PXDNL: variants seen among roughly 807,000 people sequenced by gnomAD.
PXDNL encodes probable oxidoreductase PXDNL.
Under a neutral mutation model 150.8 loss-of-function variants are expected in PXDNL, and 145 were observed. That is an observed-to-expected ratio of 0.96 (90% confidence interval 0.84 to 1.10). The LOEUF (loss-of-function observed/expected upper bound fraction) is 1.10. Ranked by LOEUF, PXDNL falls within the 50% of genes least tolerant of loss-of-function variation. The probability of loss-of-function intolerance (pLI) is 0.00; values close to 1 mark genes in which losing one functional copy is unlikely to be tolerated. For missense variants in PXDNL, 2,087 were observed against 1,873.9 expected, an observed-to-expected ratio of 1.11 and a Z score of -2.10; for synonymous variants, 757 against 725.7, an observed-to-expected ratio of 1.04 and a Z score of -0.69.
chr8:51,330,929 C>T (rs1805662722), intron 21 of PXDNL, among the ~76,000 whole-genome samples: 2 of 152,154 alleles, frequency 1.3e-5, no homozygotes, highest in Non-Finnish European at 2.9e-5. Flanking sequence ...AAGTTATTTG[C>T]TTTCAGAATA....
intron 2 of PXDNL, among the ~76,000 whole-genome samples, chr8:51,616,214 C>T (rs1814127096): frequency 6.6e-6 from 1 of 152,154 alleles, no homozygotes; most frequent in South Asian, 2.1e-4. Flanking sequence ...TTGAAAAACG[C>T]AGGAAATCTT....
At position 51,411,328 on chromosome 8, in the gene PXDNL, C is replaced by T. The variant is rs760228811; in HGVS notation, c.1984G>A (p.Gly662Arg). The T allele has an allele frequency of 1.0e-5, 16 of 1,590,104 alleles. No individual in the cohort carries two copies. The highest frequency in any genetic ancestry group is 1.2e-5 in the South Asian group (1 of 86,732). ...DPLIVEMARA[G>R]EIFEHTLQLI... Reference sequence around the variant, plus strand: ...TGCAGCGTGTGCTCAAAAATCTCCCCTGCTCTTGCCATTTCCACAATCAGT... The same window carrying T: ...TGCAGCGTGTGCTCAAAAATCTCCCTTGCTCTTGCCATTTCCACAATCAGT... Residue 662 changes from glycine (G) to arginine (R), a missense_variant, in exon 16 of 23, where the codon GGG becomes AGG. Coordinates refer to ENST00000356297, the MANE Select transcript of PXDNL (RefSeq NM_144651.5).
intron 3 of PXDNL, among the ~76,000 whole-genome samples, chr8:51,559,015 T>C (rs1302878408): frequency 6.6e-6 from 1 of 151,436 alleles, no homozygotes; most frequent in Non-Finnish European, 1.5e-5. Context: ...AAAATTGGGG[T>C]TGTTGATTGG....
At chr8:51,423,804 G>A in intron 13 of PXDNL, 73 bp from the exon 14 acceptor site, 1 of 1,413,372 alleles carries the variant, frequency 7.1e-7, no homozygotes, top group Non-Finnish European at 9.6e-7. Flanking sequence ...TTTTTAAAAT[G>A]TGGGTTCATT....
chr8:51,679,186 G>A (rs1815691535), intron 1 of PXDNL, among the ~76,000 whole-genome samples: 1 of 152,128 alleles, frequency 6.6e-6, no homozygotes, highest in African/African-American at 2.4e-5. Context: ...TTTGTTTTAG[G>A]CTAGACAATG....
intron 4 of PXDNL, among the ~76,000 whole-genome samples, chr8:51,527,764 T>C (rs1406272435): frequency 6.6e-6 from 1 of 152,138 alleles, no homozygotes; most frequent in Non-Finnish European, 1.5e-5. Context: ...CATCATGAAA[T>C]TGTGCAGAGG....
At chr8:51,745,188 A>G (rs1417015100) in intron 1 of PXDNL, among the ~76,000 whole-genome samples, 1 of 152,178 alleles carries the variant, frequency 6.6e-6, no homozygotes, top group Non-Finnish European at 1.5e-5. Context: ...TGCCTATAAG[A>G]TAACTTAAAT....
intron 4 of PXDNL, among the ~76,000 whole-genome samples, chr8:51,516,025 G>C (rs1811527987): frequency 6.6e-6 from 1 of 152,108 alleles, no homozygotes; most frequent in Admixed American, 6.6e-5. Context: ...TGAGGTATAA[G>C]AAGACATATT....
At chr8:51,801,196 G>A (rs967238307) in intron 1 of PXDNL, among the ~76,000 whole-genome samples, 3 of 152,114 alleles carry the variant, frequency 2.0e-5, no homozygotes, top group Non-Finnish European at 4.4e-5. Context: ...TGTCCTATGT[G>A]GTTGAGATAA....
intron 2 of PXDNL, among the ~76,000 whole-genome samples, chr8:51,652,437 T>TCA (rs1302365029): frequency 2.6e-4 from 37 of 143,946 alleles, no homozygotes; most frequent in Admixed American, 4.1e-4. Context: ...TCTCTCTCTC[T>TCA]CTCACACACA....
intron 1 of PXDNL, among the ~76,000 whole-genome samples, chr8:51,778,719 C>G (rs1231109585): frequency 6.6e-6 from 1 of 152,236 alleles, no homozygotes; most frequent in Non-Finnish European, 1.5e-5. Flanking sequence ...TCGTTCTTCT[C>G]TGCTTTGGAG....
intron 3 of PXDNL, among the ~76,000 whole-genome samples, chr8:51,586,820 A>G (rs1241782364): frequency 6.6e-6 from 1 of 152,208 alleles, no homozygotes; most frequent in Non-Finnish European, 1.5e-5. Context: ...CAAAAGGACA[A>G]AGCTGCTCAG....
chr8:51,447,180 G>C lies in PXDNL; in HGVS notation c.1367-18C>G, dbSNP rs1287994609. 1 of 1,611,956 alleles carries C rather than the reference G, an allele frequency of 6.2e-7. No individual in the cohort carries two copies. The highest frequency in any genetic ancestry group is 8.5e-7 in the Non-Finnish European group (1 of 1,178,640). ...CTGCCCTCCTGCAAAAAGAGGTAAA[G>C]AAAGTATTCTTCATGGCCCAGAGCA... On this transcript the variant is annotated intron_variant, in intron 11 of 22. Coordinates refer to ENST00000356297, the MANE Select transcript of PXDNL (RefSeq NM_144651.5).
At chr8:51,700,190 CACA>C (rs748072546) in intron 1 of PXDNL, among the ~76,000 whole-genome samples, 19,864 of 151,004 alleles carry the variant, frequency 0.13, 2,521 homozygotes, top group African/African-American at 0.33. Context: ...CACACACACA[CACA>C]CACCATCACA....
At chr8:51,709,050 G>C (rs922468103) in intron 1 of PXDNL, among the ~76,000 whole-genome samples, 2 of 152,158 alleles carry the variant, frequency 1.3e-5, no homozygotes, top group Non-Finnish European at 2.9e-5. Flanking sequence ...AAGGAGCCCT[G>C]CTGAGGAAGA....
chr8:51,625,498 A>C (rs1387331084), intron 2 of PXDNL, among the ~76,000 whole-genome samples: 1 of 152,212 alleles, frequency 6.6e-6, no homozygotes, highest in African/African-American at 2.4e-5. Context: ...TAAATTGAAA[A>C]CCAGTATAAA....
chr8:51,463,421 G>T (rs550494355), intron 8 of PXDNL, among the ~76,000 whole-genome samples: 1 of 152,114 alleles, frequency 6.6e-6, no homozygotes, highest in Non-Finnish European at 1.5e-5. Context: ...CAAAGTAAAA[G>T]GATGGAGAAA....
intron 1 of PXDNL, chr8:51,721,745 C>T (rs1030627445): frequency 1.7e-5 from 7 of 422,200 alleles, no homozygotes; most frequent in African/African-American, 1.2e-4. Context: ...TCATCATCAT[C>T]CTCTCCAGCA....
intron 1 of PXDNL, among the ~76,000 whole-genome samples, chr8:51,784,162 C>A (rs1341405678): frequency 1.3e-5 from 2 of 152,192 alleles, no homozygotes; most frequent in African/African-American, 4.8e-5. Flanking sequence ...ACTCTCCTCT[C>A]TTTTTCTAGC....
Sources: allele counts gnomAD v4.1 joint callset (sites outside exome capture counted in the v4.1 genomes callset), GRCh38; gene constraint gnomAD v4.1.1; transcripts MANE v1.5; gene names NCBI Gene and HGNC (gene_info 2026-07-23, HGNC 2026-07-21).